Variants in AGBL1 observed in about 807,000 individuals in gnomAD.
AGBL1 encodes the protein AGBL carboxypeptidase 1.
Under a neutral mutation model 118.9 loss-of-function variants are expected in AGBL1, and 130 were observed. That is an observed-to-expected ratio of 1.09 (90% CI 0.95 to 1.26). The LOEUF is 1.26. Ranked by LOEUF, AGBL1 falls within the 50% of genes most tolerant of loss-of-function variation. AGBL1 has a pLI of 0.00. For missense variants in AGBL1, 1,584 were observed against 1,298.1 expected (o/e 1.22, Z -3.38); for synonymous variants, 555 against 478.9 (o/e 1.16, Z -2.08).
At chr15:86,476,269 A>G (rs923105656) in intron 18 of AGBL1, among the ~76,000 whole-genome samples, 2 of 152,260 alleles carry the variant, frequency 1.3e-5, no homozygotes, top group African/African-American at 2.4e-5. Context: ...TGCTCCAATT[A>G]AAAGACACAG....
chr15:86,615,380 G>A lies in AGBL1; in HGVS notation c.2995-58893G>A, dbSNP rs941522218. 3.3e-5 allele frequency among the ~76,000 whole-genome samples: 5 copies of A among 152,204 alleles called. No individual in the cohort carries two copies. The highest frequency in any genetic ancestry group is 1.5e-5 in the Non-Finnish European group (1 of 68,034). ...AGAGCTCTTCAGGAGTAGGTTTGAT[G>A]CAGGTGGTGTCCAGTGGGATCTGGG... On this transcript the variant is annotated intron_variant, in intron 21 of 22. Coordinates refer to ENST00000614907, the MANE Select transcript of AGBL1 (RefSeq NM_001386094.1). This position sits in a 1 kb window ranked among gnomAD's most constrained non-coding sequence, Gnocchi z 4.3.
chr15:86,426,653 T>C (rs1195917174), intron 18 of AGBL1, among the ~76,000 whole-genome samples: 1 of 152,232 alleles, frequency 6.6e-6, no homozygotes, highest in Non-Finnish European at 1.5e-5. Context: ...GCTGTAAGAA[T>C]ACATTATAAT....
At chr15:86,878,022 T>C (rs911816945) in intron 22 of AGBL1, among the ~76,000 whole-genome samples, 3 of 152,148 alleles carry the variant, frequency 2.0e-5, no homozygotes, top group African/African-American at 7.2e-5. Context: ...CACTGGAAAG[T>C]GTAAACTGCG....
At chr15:86,884,813 A>AAAAC (rs71144077) in intron 22 of AGBL1, among the ~76,000 whole-genome samples, 39,208 of 151,926 alleles carry the variant, frequency 0.26, 5,808 homozygotes, top group African/African-American at 0.4. Flanking sequence ...CCTTGTGTCA[A>AAAAC]AAACAAACAA....
At chr15:86,114,714 G>A (rs774752091) in intron 1 of AGBL1, among the ~76,000 whole-genome samples, 9 of 152,110 alleles carry the variant, frequency 5.9e-5, no homozygotes, top group Non-Finnish European at 8.8e-5. Context: ...GAATGTGGCC[G>A]ATAAAACAAC....
intron 23 of AGBL1, among the ~76,000 whole-genome samples, chr15:86,927,037 G>A (rs1334398006): frequency 6.6e-6 from 1 of 152,020 alleles, no homozygotes; most frequent in East Asian, 1.9e-4. Context: ...TGCTCAGGAG[G>A]CTGAGGCAGG....
intron 24 of AGBL1, among the ~76,000 whole-genome samples, chr15:87,022,878 A>AAGAT (rs2081680226): frequency 6.6e-6 from 1 of 152,088 alleles, no homozygotes. Flanking sequence ...ATATGAAGGA[A>AAGAT]AGATACAGTC....
chr15:86,288,636 A>G (rs1019907837), intron 16 of AGBL1, among the ~76,000 whole-genome samples: 1 of 152,164 alleles, frequency 6.6e-6, no homozygotes, highest in Non-Finnish European at 1.5e-5. Flanking sequence ...AGCTCTATGT[A>G]TGATCAATTA....
chr15:86,684,917 G>A (rs1045021951), intron 22 of AGBL1, among the ~76,000 whole-genome samples: 10 of 152,138 alleles, frequency 6.6e-5, no homozygotes, highest in African/African-American at 2.4e-4. Context: ...CAAACAGCTT[G>A]TATTTGACTG....
chr15:87,021,504 TTAAAC>T (rs112223497), intron 24 of AGBL1, among the ~76,000 whole-genome samples: 57,289 of 151,284 alleles, frequency 0.38, 11,226 homozygotes, highest in East Asian at 0.51. Flanking sequence ...TGGAATCTAA[TTAAAC>T]TAAAGAGCTT....
chr15:86,285,463 G>A (rs1000751640), intron 16 of AGBL1, among the ~76,000 whole-genome samples: 3 of 152,106 alleles, frequency 2.0e-5, no homozygotes, highest in Non-Finnish European at 2.9e-5. Context: ...TCATGATAGT[G>A]AATAAGTCTC....
At chr15:86,437,329 ACTT>A (rs1343663944) in intron 18 of AGBL1, among the ~76,000 whole-genome samples, 5 of 152,220 alleles carry the variant, frequency 3.3e-5, no homozygotes, top group Non-Finnish European at 4.4e-5. Flanking sequence ...GTGATCAGCC[ACTT>A]CTTCTCTCCA....
At chr15:86,107,148 A>T (rs548207701) in intron 1 of AGBL1, among the ~76,000 whole-genome samples, 1 of 152,260 alleles carries the variant, frequency 6.6e-6, no homozygotes, top group Non-Finnish European at 1.5e-5. Context: ...TCCATGGAAG[A>T]TGAATATGGC....
intron 23 of AGBL1, among the ~76,000 whole-genome samples, chr15:86,956,049 C>G (rs1049712992): frequency 6.6e-6 from 1 of 151,872 alleles, no homozygotes; most frequent in Admixed American, 6.6e-5. Context: ...AAACAAGTTA[C>G]AAAATTATCC....
chr15:86,252,879 C>G (rs185587817), intron 7 of AGBL1, among the ~76,000 whole-genome samples: 1 of 152,160 alleles, frequency 6.6e-6, no homozygotes, highest in Non-Finnish European at 1.5e-5. Context: ...TGAAGCTACG[C>G]CACATCTGCC....
At chr15:86,113,177 T>C (rs1297205562) in intron 1 of AGBL1, among the ~76,000 whole-genome samples, 1 of 152,060 alleles carries the variant, frequency 6.6e-6, no homozygotes, top group African/African-American at 2.4e-5. Context: ...TTAGTTTCTG[T>C]TCAGTACCGT....
chr15:86,780,577 G>T (rs1462109459), intron 22 of AGBL1, among the ~76,000 whole-genome samples: 1 of 151,862 alleles, frequency 6.6e-6, no homozygotes, highest in Non-Finnish European at 1.5e-5. Flanking sequence ...TTTGGGGGAA[G>T]ATTTGGAATT....
intron 21 of AGBL1, among the ~76,000 whole-genome samples, chr15:86,626,952 C>T (rs926713484): frequency 5.9e-5 from 9 of 151,600 alleles, no homozygotes; most frequent in Admixed American, 2.6e-4. Flanking sequence ...ATTCTCCTGC[C>T]TCAGCCTCCA....
chr15:86,103,612 T>C (rs1159691469), intron 1 of AGBL1, among the ~76,000 whole-genome samples: 1 of 152,208 alleles, frequency 6.6e-6, no homozygotes, highest in Non-Finnish European at 1.5e-5. Context: ...TTTCTTCACC[T>C]GTAAACAGTG....
Sources: gnomAD v4.1 joint callset for allele counts (sites outside exome capture counted in the v4.1 genomes callset) on GRCh38, gnomAD v4.1.1 for gene constraint, Gnocchi (gnomAD v3.1) non-coding constraint, MANE v1.5 for transcripts, NCBI Gene and HGNC (gene_info 2026-07-23, HGNC 2026-07-21) for gene names.